RAB40C: variants seen among roughly 807,000 people sequenced by gnomAD.
RAB40C encodes the protein ras-related protein Rab-40C.
RAB40C carries 8 observed loss-of-function variants against 28.1 expected under a neutral mutation model. The ratio of observed to expected loss-of-function variants is 0.28; its 90% confidence interval spans 0.17 to 0.51. RAB40C has a LOEUF of 0.51. RAB40C is among the 20% of genes least tolerant of loss of function. The pLI, the probability that RAB40C is intolerant of heterozygous loss-of-function variation, is 0.97. For synonymous variants in RAB40C, 201 were observed against 171.7 expected, an observed-to-expected ratio of 1.17 and a Z score of -1.34; for missense variants, 288 against 405.9, an observed-to-expected ratio of 0.71 and a Z score of 2.50.
At chr16:598,042 T>A (rs575226520) in intron 1 of RAB40C, among the ~76,000 whole-genome samples, 3 of 149,692 alleles carry the variant, frequency 2.0e-5, no homozygotes, top group African/African-American at 7.4e-5. Context: ...GTCAAGAGAT[T>A]GAGACCATCC....
chr16:596,984 C>T (rs1305808808), intron 1 of RAB40C, among the ~76,000 whole-genome samples: 2 of 152,154 alleles, frequency 1.3e-5, no homozygotes, highest in Non-Finnish European at 2.9e-5. Context: ...GTTTGTCCTT[C>T]AGAAATTAGC....
chr16:605,746 C>A (rs755186586), intron 1 of RAB40C, among the ~76,000 whole-genome samples: 2 of 152,182 alleles, frequency 1.3e-5, no homozygotes, highest in Admixed American at 6.5e-5. Context: ...CACAGGGCTC[C>A]TGTGAGGAGT....
At chr16:624,593 G>A (rs1349975501) in intron 3 of RAB40C, 19 of 985,376 alleles carry the variant, frequency 1.9e-5, no homozygotes, top group Non-Finnish European at 2.3e-5. Context: ...GATGGACAGT[G>A]CCCTCTTCTT....
chr16:593,780 T>A (rs926471831), intron 1 of RAB40C, among the ~76,000 whole-genome samples: 11 of 152,218 alleles, frequency 7.2e-5, no homozygotes, highest in African/African-American at 2.7e-4. Context: ...TTTCTGGATC[T>A]CTAGGTCTGG....
At chr16:598,560 A>AC (rs1339055108) in intron 1 of RAB40C, among the ~76,000 whole-genome samples, 9 of 143,172 alleles carry the variant, frequency 6.3e-5, no homozygotes, top group African/African-American at 2.3e-4. Context: ...ACTCTGTCTC[A>AC]CAAAAAAAAA....
upstream of RAB40C, chr16:589,621 C>G (rs1049797113): frequency 5.3e-5 from 8 of 152,222 alleles, no homozygotes; most frequent in African/African-American, 1.9e-4. Flanking sequence ...ACGGGGCGGG[C>G]GAGGACAACG....
intron 3 of RAB40C, chr16:623,840 C>T: frequency 1.8e-6 from 1 of 559,672 alleles, no homozygotes; most frequent in Non-Finnish European, 2.3e-6. Context: ...TTCCCAGCCA[C>T]TCAGGAAGCT....
intron 1 of RAB40C, among the ~76,000 whole-genome samples, chr16:597,424 C>T (rs999771461): frequency 1.3e-5 from 2 of 151,878 alleles, no homozygotes; most frequent in African/African-American, 4.8e-5. Flanking sequence ...TGTAAACTGA[C>T]CCTGATGAAA....
intron 1 of RAB40C, 52 bp from the exon 2 acceptor site, chr16:617,156 G>A: frequency 7.5e-6 from 12 of 1,597,310 alleles, no homozygotes; most frequent in Non-Finnish European, 9.4e-6. Flanking sequence ...GGTCTCGCGG[G>A]CGCTCGCTCC....
chr16:598,542 A>C (rs181710803), intron 1 of RAB40C, among the ~76,000 whole-genome samples: 25 of 149,238 alleles, frequency 1.7e-4, no homozygotes, highest in Admixed American at 1.5e-3. Context: ...GCTTGGTGAC[A>C]GAGCGAGACT....
intron 1 of RAB40C, among the ~76,000 whole-genome samples, chr16:591,562 C>T (rs79942353): frequency 2.6e-5 from 4 of 151,916 alleles, no homozygotes; most frequent in Admixed American, 2.0e-4. Context: ...AGTTACTGAA[C>T]ATTTGTTTTG....
Position 590,445 on chromosome 16 carries a change from C to A in RAB40C, c.142+12C>A. On this transcript the variant is annotated intron_variant, in intron 1 of 5. Coordinates refer to ENST00000248139, the MANE Select transcript of RAB40C (RefSeq NM_021168.5). ...CGCCTACAGTAACGGTAAGGCCCGG[C>A]CCGCGGCGCGCGCTGCTACGCGGGG... The A allele has an allele frequency of 1.3e-6, 2 of 1,567,860 alleles. No homozygotes were observed. Among genetic ancestry groups the A allele is most frequent in the East Asian group, 2.5e-5 (1 of 40,324 alleles).
rs1313061284 is a variant in RAB40C, at chr16:610,676, G to C, written c.143-6532G>C. 6.6e-6 allele frequency among the ~76,000 whole-genome samples: 1 copy of C among 152,012 alleles called. No homozygotes were observed. The highest frequency in any genetic ancestry group is 2.4e-5 in the African/African-American group (1 of 41,402). On this transcript the variant is annotated intron_variant, in intron 1 of 5. Coordinates refer to ENST00000248139, the MANE Select transcript of RAB40C (RefSeq NM_021168.5). The surrounding 1 kb of genome is among the most constrained non-coding windows in gnomAD (Gnocchi z 4.6). ...GCCCCTGCCCCTGCGCCGTCCCCCA[G>C]CGCGGGCTCCAGGCCTCTCCTGGGT... is the stretch of plus-strand genomic sequence containing the variant.
chr16:627,279 G>A, intron 5 of RAB40C, 63 bp from the exon 6 acceptor site: 1 of 1,509,654 alleles, frequency 6.6e-7, no homozygotes, highest in East Asian at 2.3e-5. Flanking sequence ...GGCACCTCAG[G>A]TCTCCCTGCA....
At chr16:601,029 C>G (rs1411535934) in intron 1 of RAB40C, among the ~76,000 whole-genome samples, 2 of 152,166 alleles carry the variant, frequency 1.3e-5, no homozygotes, top group South Asian at 2.1e-4. Context: ...CATTTAGACC[C>G]TTAGCCTCCT....
upstream of RAB40C, chr16:589,518 T>C (rs1017137037): frequency 2.0e-5 from 3 of 152,162 alleles, no homozygotes; most frequent in Non-Finnish European, 4.4e-5. Context: ...ACAAACAACG[T>C]GGACTTCCGA....
chr16:604,938 G>A (rs2036328920), intron 1 of RAB40C, among the ~76,000 whole-genome samples: 1 of 152,072 alleles, frequency 6.6e-6, no homozygotes. Flanking sequence ...GGTGCTTGTG[G>A]TCCCAGTTAC....
intron 5 of RAB40C, 86 bp from the exon 6 acceptor site, chr16:627,256 C>T: frequency 7.3e-7 from 1 of 1,372,414 alleles, no homozygotes; most frequent in Non-Finnish European, 1.0e-6. Context: ...GAGACCCCGC[C>T]AGGCTTCTCT....
At position 591,187 on chromosome 16, in the gene RAB40C, G is replaced by A. The variant is rs534488956; in HGVS notation, c.142+754G>A. Among the ~76,000 whole-genome samples the A allele has an allele frequency of 1.2e-4, 17 of 146,722 alleles. No homozygotes were observed. In the South Asian group the frequency reaches 2.2e-3, roughly 19 times the overall value. On this transcript the variant is annotated intron_variant, in intron 1 of 5. Transcript: ENST00000248139. Reference sequence around the variant, plus strand: ...GGGATCTCAGGGGAAGGTGTCATGGGCCTAAGGGAAGGTGTCATGGTCTGG... The same window carrying A: ...GGGATCTCAGGGGAAGGTGTCATGGACCTAAGGGAAGGTGTCATGGTCTGG...
Sources: gnomAD v4.1 joint callset for allele counts (sites outside exome capture counted in the v4.1 genomes callset) on GRCh38, gnomAD v4.1.1 for gene constraint, Gnocchi (gnomAD v3.1) non-coding constraint, MANE v1.5 for transcripts, NCBI Gene and HGNC (gene_info 2026-07-23, HGNC 2026-07-21) for gene names.